CHTF18: variants seen among roughly 807,000 people sequenced by gnomAD.
CHTF18 encodes the protein chromosome transmission fidelity protein 18 homolog.
Under a neutral mutation model 113.4 loss-of-function variants are expected in CHTF18, and 151 were observed. The ratio of observed to expected loss-of-function variants is 1.33; its 90% confidence interval spans 1.17 to 1.52. The LOEUF (loss-of-function observed/expected upper bound fraction) is 1.52. CHTF18 is among the 40% of genes most tolerant of loss of function. CHTF18 has a pLI of 0.00. For synonymous variants in CHTF18, 916 were observed against 598.8 expected (o/e 1.53, Z -7.74); for missense variants, 1,982 against 1,381.6 (o/e 1.43, Z -6.89).
chr16:794,996 C>A, intron 15 of CHTF18, 136 bp from the exon 16 acceptor site: 1 of 702,526 alleles, frequency 1.4e-6, no homozygotes, highest in South Asian at 1.8e-5. Context: ...CGTGGGGACC[C>A]TTGTGGAGGG....
chr16:795,627 A>C, intron 16 of CHTF18, 58 bp from the exon 17 acceptor site: 2 of 769,666 alleles, frequency 2.6e-6, no homozygotes, highest in South Asian at 1.7e-5. Flanking sequence ...CCCACCCACC[A>C]TTCCCCCCTC....
chr16:795,115 T>C lies in CHTF18; in HGVS notation c.1951-17T>C. 6.5e-6 allele frequency: 10 copies of C among 1,532,450 alleles called. No homozygotes were observed. Among genetic ancestry groups the C allele is most frequent in the Non-Finnish European group, 7.9e-6 (9 of 1,137,764 alleles). 94.9% of individuals were successfully genotyped at this position (1,532,450 alleles called of 1,614,324 possible). A position where few individuals can be genotyped will look rare whatever the true frequency, so the allele number is the denominator to read the frequency against. On this transcript the variant is annotated splice_polypyrimidine_tract_variant and intron_variant, in intron 15 of 21. Transcript: ENST00000262315. Reference sequence around the variant, plus strand: ...CCTGGGGTGGGCAGGAGCTCAGGGGTTGCCGGCCGCCTGCAGGGCTTGTTT... The same window carrying C: ...CCTGGGGTGGGCAGGAGCTCAGGGGCTGCCGGCCGCCTGCAGGGCTTGTTT...
intron 20 of CHTF18, 25 bp downstream of exon 20, chr16:797,117 T>G (rs1596775169): frequency 2.0e-6 from 3 of 1,491,734 alleles, no homozygotes; most frequent in Non-Finnish European, 2.7e-6. Flanking sequence ...GCTGTGGGGG[T>G]GGGACCAGGG....
rs768086895 is a variant in CHTF18, at chr16:797,723, C to T, written c.2763C>T (p.Val921=). The change falls in exon 21 of 22, where the codon GTC becomes GTT. Residue 921 remains valine (V), a synonymous_variant. Transcript: ENST00000262315. ...AGAAGGACTTCTTTGGACGTGTGGT[C>T]GTCAGGAGCACAGCAGTCCCGAGTG... ...QPEKDFFGRV[V]VRSTAVPSAG... 22 of 1,601,928 alleles carry T rather than the reference C, an allele frequency of 1.4e-5. No homozygotes were observed. The highest frequency in any genetic ancestry group is 5.5e-5 in the South Asian group (5 of 90,828).
rs781438475 is a variant in CHTF18 at position 795,123 on chromosome 16, C to T, written c.1951-9C>T. 257 of 1,539,366 alleles carry T rather than the reference C, an allele frequency of 1.7e-4. No individual in the cohort carries two copies. The highest frequency in any genetic ancestry group is 2.2e-4 in the South Asian group (18 of 83,166). ...GGGCAGGAGCTCAGGGGTTGCCGGCCGCCTGCAGGGCTTGTTTGACAACTT... is the reference window on the plus strand; with the variant it reads ...GGGCAGGAGCTCAGGGGTTGCCGGCTGCCTGCAGGGCTTGTTTGACAACTT... On this transcript the variant is annotated splice_polypyrimidine_tract_variant and intron_variant, in intron 15 of 21. Coordinates refer to ENST00000262315, the MANE Select transcript of CHTF18 (RefSeq NM_022092.3).
intron 12 of CHTF18, 41 bp downstream of exon 12, chr16:792,852 T>TG: frequency 1.3e-6 from 2 of 1,534,148 alleles, no homozygotes. Context: ...ATGGCGGGGT[T>TG]GGGGGCGTGG....
In CHTF18 at chr16:793,068, G is replaced by T; in HGVS notation, c.1671+4G>T. On this transcript the variant is annotated splice_donor_region_variant and intron_variant, in intron 13 of 21. Coordinates refer to ENST00000262315, the MANE Select transcript of CHTF18 (RefSeq NM_022092.3). ...GGCCTGCATCAACACCCTGCAGGTG[G>T]GCGGCCGGCAGGCACCGGGTGGGGT... The T allele has an allele frequency of 1.9e-6, 3 of 1,551,920 alleles. No individual in the cohort carries two copies. The highest frequency in any genetic ancestry group is 1.7e-6 in the Non-Finnish European group (2 of 1,146,782).
Position 795,374 on chromosome 16 carries a change from C to G in CHTF18, c.2175+18C>G. The G allele has an allele frequency of 6.7e-7, 1 of 1,495,174 alleles. No homozygotes were observed. The highest frequency in any genetic ancestry group is 9.0e-7 in the Non-Finnish European group (1 of 1,108,686). 92.6% of individuals were successfully genotyped at this position (1,495,174 alleles called of 1,614,324 possible). The stretch of plus-strand genomic sequence containing the variant: ...AGCAGGAGGTGTGCTCGTCCCTGCA[C>G]CACGCCTGCCCCCGGCCCCGTGCCC... On this transcript the variant is annotated intron_variant, in intron 16 of 21. Transcript: ENST00000262315.
rs757808554 is a variant in CHTF18, at chr16:790,362, C to G, written c.715C>G (p.Leu239Val). 6.2e-7 allele frequency: 1 copy of G among 1,611,344 alleles called. No homozygotes were observed. Among genetic ancestry groups the G allele is most frequent in the Admixed American group, 1.7e-5 (1 of 59,884 alleles). Residue 239 changes from leucine (L) to valine (V), a missense_variant, in exon 6 of 22, where the codon CTT becomes GTT. Leu to Val is a conservative substitution (Grantham distance 32). Transcript: ENST00000262315. ...QVDGERRERL[L>V]QEAQKLSDTL... The stretch of plus-strand genomic sequence containing the variant: ...GTTTGCACAGCGGCGGGAGCGGCTG[C>G]TTCAGGAGGCCCAGAAGCTTTCAGA...
intron 14 of CHTF18, 145 bp from the exon 15 acceptor site, chr16:793,909 C>G (rs2042267969): frequency 5.5e-6 from 5 of 902,682 alleles, no homozygotes; most frequent in South Asian, 4.9e-5. Flanking sequence ...TTGGCTGTCT[C>G]CACCTGAGCG....
rs766888701 is a variant in CHTF18 at position 790,348 on chromosome 16, G to C, written c.701G>C (p.Arg234Pro). ...ASLKKQVDGE[R>P]RERLLQEAQK... ...GATTCCAGCCTGTTGTTTGCACAGC[G>C]GCGGGAGCGGCTGCTTCAGGAGGCC... The change falls in exon 6 of 22, where the codon CGG (arginine) becomes CCG (proline). Residue 234 changes from arginine (R) to proline (P), a missense_variant and splice_region_variant. Physicochemically the swap from Arg to Pro is moderately radical, Grantham distance 103. Coordinates refer to ENST00000262315, the MANE Select transcript of CHTF18 (RefSeq NM_022092.3). 1.9e-6 allele frequency: 3 copies of C among 1,610,406 alleles called. No individual in the cohort carries two copies. The highest frequency in any genetic ancestry group is 2.5e-6 in the Non-Finnish European group (3 of 1,179,138).
At chr16:789,773 C>A in intron 4 of CHTF18, 58 bp downstream of exon 4, 1 of 1,486,274 alleles carries the variant, frequency 6.7e-7, no homozygotes. Flanking sequence ...AGGAAAGGGT[C>A]CTTGGAGCCC....
Position 790,637 on chromosome 16 carries a change from C to T in CHTF18, c.865C>T (p.Arg289Cys), listed in dbSNP as rs374556939. 88 of 1,594,674 alleles carry T rather than the reference C, an allele frequency of 5.5e-5. No individual in the cohort carries two copies. The highest frequency in any genetic ancestry group is 3.4e-4 in the Middle Eastern group (2 of 5,966). Residue 289 changes from arginine to cysteine, a missense_variant, in exon 7 of 22, where the codon CGC (arginine) becomes TGC (cysteine). By Grantham distance (180) the Arg-to-Cys change is radical (BLOSUM62 -3). Coordinates refer to ENST00000262315, the MANE Select transcript of CHTF18 (RefSeq NM_022092.3). ...CCTCTGGGTGGATGAGTTTGCACCC[C>T]GCCACTACACGGAGCTGCTCAGTGA... is the stretch of plus-strand genomic sequence containing the variant. ...HCLWVDEFAPRHYTELLSDDF... is the reference protein window; with the variant it reads ...HCLWVDEFAPCHYTELLSDDF...
Position 790,984 on chromosome 16 carries a change from G to A in CHTF18, c.895-177G>A, listed in dbSNP as rs1008074684. 7.0e-5 allele frequency: 102 copies of A among 1,450,836 alleles called. No individual in the cohort carries two copies. In the South Asian group the frequency reaches 9.4e-4, roughly 13 times the overall value. 89.9% of individuals were successfully genotyped at this position (1,450,836 alleles called of 1,614,324 possible). Reference sequence around the variant, plus strand: ...TCCCAGATGGGTTGTGGCCAGAGCCGTGGGGGTGGAGCCCCTGGTGTGAGC... The same window carrying A: ...TCCCAGATGGGTTGTGGCCAGAGCCATGGGGGTGGAGCCCCTGGTGTGAGC... On this transcript the variant is annotated intron_variant, in intron 7 of 21. Transcript: ENST00000262315.
chr16:792,122 G>A (rs757501041), intron 9 of CHTF18, 102 bp from the exon 10 acceptor site: 81 of 1,525,598 alleles, frequency 5.3e-5, no homozygotes, highest in South Asian at 2.6e-4. Context: ...CAGCAGCCGC[G>A]TCATGTGACG....
rs779803015 is a variant in CHTF18, at chr16:789,608, G to C, written c.499G>C (p.Val167Leu). ...GGCCTCACCAGCTGCCCGCAATCCC[G>C]TCCTGAGGCGGCCCCCCATCTTGGA... The part of the protein sequence containing the change: ...TRASPAARNP[V>L]LRRPPILEDY... Residue 167 changes from valine to leucine, a missense_variant, in exon 4 of 22, where the codon GTC becomes CTC. By Grantham distance (32) the Val-to-Leu change is conservative. Transcript: ENST00000262315. 8.1e-6 allele frequency: 13 copies of C among 1,608,688 alleles called. No individual in the cohort carries two copies. The highest frequency in any genetic ancestry group is 1.0e-5 in the Non-Finnish European group (12 of 1,179,564).
At position 790,458 on chromosome 16, in the gene CHTF18, G is replaced by T. The variant is rs1460591115; in HGVS notation, c.752+59G>T. 5.0e-6 allele frequency: 8 copies of T among 1,610,176 alleles called. No individual in the cohort carries two copies. In the East Asian group the frequency reaches 1.8e-4, roughly 36 times the overall value. On this transcript the variant is annotated intron_variant, in intron 6 of 21. Transcript: ENST00000262315. ...TTGTTGGCTCTTGCACCAACTCCTA[G>T]CTCCTAGCGTGTGGGTTGGCATGGT...
At chr16:796,321 C>T (rs1209245426) in intron 18 of CHTF18, among the ~76,000 whole-genome samples, 1 of 152,250 alleles carries the variant, frequency 6.6e-6, no homozygotes, top group African/African-American at 2.4e-5. Context: ...CCACATGGAA[C>T]TGGAGCCGGG....
chr16:790,766 C>G, intron 7 of CHTF18, 100 bp downstream of exon 7: 1 of 1,440,824 alleles, frequency 6.9e-7, no homozygotes, highest in Non-Finnish European at 9.1e-7. Context: ...CACTGGGCCT[C>G]GGAGACGGAG....
Sources: gnomAD v4.1 joint callset for allele counts (sites outside exome capture counted in the v4.1 genomes callset) on GRCh38, gnomAD v4.1.1 for gene constraint, MANE v1.5 for transcripts, NCBI Gene and HGNC (gene_info 2026-07-23, HGNC 2026-07-21) for gene names.